Variants in LRRC37A2 observed in about 807,000 individuals in gnomAD.
LRRC37A2 encodes the protein leucine-rich repeat-containing protein 37A2.
A neutral mutation model predicts 68.8 loss-of-function variants in LRRC37A2; 9 were observed. The ratio of observed to expected loss-of-function variants is 0.13; its 90% CI spans 0.08 to 0.23. The LOEUF (loss-of-function observed/expected upper bound fraction) is 0.23. Ranked by LOEUF, LRRC37A2 falls within the 10% of genes least tolerant of loss-of-function variation. The pLI is 1.00. For synonymous variants in LRRC37A2, 63 were observed against 367.6 expected, an observed-to-expected ratio of 0.17 and a Z score of 9.48; for missense variants, 168 against 950.4, an observed-to-expected ratio of 0.18 and a Z score of 10.82.
chr17:46,838,694 G>A, the LRRC37A2 span, among the ~76,000 whole-genome samples: 4 of 151,806 alleles, frequency 2.6e-5, no homozygotes, highest in East Asian at 1.9e-4. Flanking sequence ...ACACATCCAC[G>A]TATATGTAAA....
the LRRC37A2 span, among the ~76,000 whole-genome samples, chr17:46,839,681 C>G: frequency 6.6e-6 from 1 of 152,174 alleles, no homozygotes; most frequent in Non-Finnish European, 1.5e-5. Flanking sequence ...CTCCCTCCCC[C>G]AGTCCCCCCC....
chr17:47,016,473 A>G, the LRRC37A2 span, among the ~76,000 whole-genome samples: 53,750 of 93,824 alleles, frequency 0.57, 15,960 homozygotes, highest in Non-Finnish European at 0.61. Context: ...GTGTGCACAC[A>G]GGGTAGATCT....
chr17:46,888,004 G>C, the LRRC37A2 span, among the ~76,000 whole-genome samples: 3 of 152,208 alleles, frequency 2.0e-5, no homozygotes, highest in Admixed American at 6.5e-5. Context: ...GCTAGAGATA[G>C]GGAGAGCAGG....
chr17:46,800,723 G>A, the LRRC37A2 span, among the ~76,000 whole-genome samples: 1 of 152,208 alleles, frequency 6.6e-6, no homozygotes, highest in Non-Finnish European at 1.5e-5. Context: ...AGGATCCACT[G>A]TGTGCCCTGT....
the LRRC37A2 span, chr17:46,726,431 A>G: frequency 1.1e-6 from 1 of 900,968 alleles, no homozygotes; most frequent in East Asian, 2.4e-5. Flanking sequence ...ATTGTAGTCC[A>G]AAGTGTTGGT....
chr17:46,731,439 G>T, the LRRC37A2 span, among the ~76,000 whole-genome samples: 1 of 152,126 alleles, frequency 6.6e-6, no homozygotes. Flanking sequence ...GTATATCTGT[G>T]AATATACTAA....
the LRRC37A2 span, among the ~76,000 whole-genome samples, chr17:46,919,390 T>A: frequency 2.0e-5 from 3 of 151,774 alleles, no homozygotes; most frequent in African/African-American, 7.3e-5. Flanking sequence ...AGCTGGAGAG[T>A]GGCATTTTCT....
chr17:46,810,239 C>T, the LRRC37A2 span, among the ~76,000 whole-genome samples: 1 of 152,064 alleles, frequency 6.6e-6, no homozygotes, highest in South Asian at 2.1e-4. Flanking sequence ...AACTCCTGAC[C>T]TCAGGTGATC....
chr17:46,833,484 C>G, the LRRC37A2 span: 23 of 476,486 alleles, frequency 4.8e-5, no homozygotes, highest in African/African-American at 4.5e-4. Flanking sequence ...CCCCGACTCC[C>G]CATCTGGTCA....
chr17:46,942,205 G>A, the LRRC37A2 span, among the ~76,000 whole-genome samples: 1 of 152,178 alleles, frequency 6.6e-6, no homozygotes, highest in African/African-American at 2.4e-5. Flanking sequence ...AGTAGCCAAA[G>A]CAAAGAAAGA....
the LRRC37A2 span, among the ~76,000 whole-genome samples, chr17:46,854,765 AT>A: frequency 6.6e-6 from 1 of 151,866 alleles, no homozygotes; most frequent in Non-Finnish European, 1.5e-5. Flanking sequence ...GGCTCAAGCA[AT>A]TTTCCTGCCT....
chr17:46,904,102 G>A, the LRRC37A2 span, among the ~76,000 whole-genome samples: 1 of 151,718 alleles, frequency 6.6e-6, no homozygotes. Flanking sequence ...TGGCTAGATG[G>A]CTGGATGGAT....
At chr17:46,876,843 C>T in the LRRC37A2 span, 28 of 1,430,454 alleles carry the variant, frequency 2.0e-5, 1 homozygote, top group South Asian at 2.8e-4. Context: ...TGTGCCAATG[C>T]ACACGAGTGT....
At chr17:46,492,955 A>G in the LRRC37A2 span, among the ~76,000 whole-genome samples, 2 of 148,620 alleles carry the variant, frequency 1.3e-5, no homozygotes, top group Non-Finnish European at 2.9e-5. Flanking sequence ...CGGCCTCCCA[A>G]AGTGCTGGGA....
chr17:46,943,416 T>G, the LRRC37A2 span, among the ~76,000 whole-genome samples: 1 of 152,098 alleles, frequency 6.6e-6, no homozygotes, highest in Non-Finnish European at 1.5e-5. Context: ...CTTGGTCTTC[T>G]CAGAACATGC....
At chr17:46,522,531 G>A (rs1396373559) in intron 4 of LRRC37A2, among the ~76,000 whole-genome samples, 2 of 91,452 alleles carry the variant, frequency 2.2e-5, no homozygotes, top group South Asian at 5.1e-4. Flanking sequence ...TGCAAGGTCC[G>A]CCTCCTGGGT....
chr17:46,806,395 G>A, the LRRC37A2 span, among the ~76,000 whole-genome samples: 322 of 152,068 alleles, frequency 2.1e-3, 2 homozygotes, highest in Non-Finnish European at 1.4e-3. Context: ...TTTTAGTAGA[G>A]TTGGGGTTTA....
At chr17:46,494,483 T>G in the LRRC37A2 span, among the ~76,000 whole-genome samples, 7 of 147,806 alleles carry the variant, frequency 4.7e-5, no homozygotes, top group East Asian at 1.4e-3. Context: ...TGTAAATGAA[T>G]GATAATGGCT....
the LRRC37A2 span, among the ~76,000 whole-genome samples, chr17:47,040,515 A>C: frequency 6.8e-6 from 1 of 147,524 alleles, no homozygotes; most frequent in African/African-American, 2.5e-5. Context: ...CTATTTATTT[A>C]GTGACTTTTC....
Sources: allele counts gnomAD v4.1 joint callset (sites outside exome capture counted in the v4.1 genomes callset), GRCh38; gene constraint gnomAD v4.1.1; transcripts MANE v1.5; gene names NCBI Gene and HGNC (gene_info 2026-07-23, HGNC 2026-07-21).